PZP: variants seen among roughly 807,000 people sequenced by gnomAD.
PZP encodes pregnancy zone protein.
A neutral mutation model predicts 179.8 loss-of-function variants in PZP; 150 were observed. That is an observed-to-expected ratio of 0.83 (90% CI 0.73 to 0.96). The LOEUF is 0.96. Ranked by LOEUF, PZP falls within the 40% of genes least tolerant of loss-of-function variation. PZP has a pLI of 0.00. For missense variants in PZP, 1,689 were observed against 1,764.0 expected (o/e 0.96, Z 0.76); for synonymous variants, 624 against 652.3 (o/e 0.96, Z 0.66).
chr12:9,157,935 C>T, intron 26 of PZP, 94 bp from the exon 27 acceptor site: 1 of 1,036,876 alleles, frequency 9.6e-7, no homozygotes, highest in Non-Finnish European at 1.5e-6. Context: ...GTATCTGTTT[C>T]CATTCAAAGT....
intron 13 of PZP, among the ~76,000 whole-genome samples, chr12:9,188,832 A>T (rs745420975): frequency 6.6e-6 from 1 of 152,332 alleles, no homozygotes; most frequent in East Asian, 1.9e-4. Context: ...GAGGTGAAAG[A>T]TCTATACAAT....
intron 34 of PZP, among the ~76,000 whole-genome samples, 191 bp from the exon 35 acceptor site, chr12:9,149,793 G>A (rs1940214419): frequency 6.6e-6 from 1 of 152,170 alleles, no homozygotes; most frequent in African/African-American, 2.4e-5. Flanking sequence ...ACTGGAGATG[G>A]GGACTGAAGC....
chr12:9,203,479 C>T (rs1241527014), intron 2 of PZP, among the ~76,000 whole-genome samples: 1 of 151,676 alleles, frequency 6.6e-6, no homozygotes, highest in Non-Finnish European at 1.5e-5. Flanking sequence ...GTAGCTGGGA[C>T]TACGGGCGCC....
intron 1 of PZP, among the ~76,000 whole-genome samples, chr12:9,205,485 C>A (rs1202946952): frequency 6.6e-6 from 1 of 152,172 alleles, no homozygotes; most frequent in Admixed American, 6.5e-5. Flanking sequence ...TCTCCATGTT[C>A]ATGGAAGCTA....
At chr12:9,140,831 C>T in the PZP span, among the ~76,000 whole-genome samples, 33 of 152,190 alleles carry the variant, frequency 2.2e-4, no homozygotes, top group Admixed American at 1.4e-3. Flanking sequence ...GCCAGTTTCC[C>T]GAGAGTTTTA....
intron 33 of PZP, 38 bp downstream of exon 33, chr12:9,151,566 C>G (rs1940356262): frequency 6.4e-7 from 1 of 1,568,140 alleles, no homozygotes; most frequent in African/African-American, 1.4e-5. Flanking sequence ...AGAAAGACGA[C>G]CCATATGTAG....
rs777456697 is a variant in PZP, at chr12:9,157,242, G to C, written c.3483C>G (p.Ser1161=). Residue 1161 remains serine, a synonymous_variant, in exon 28 of 36, where the codon TCC becomes TCG. Coordinates refer to ENST00000261336, the MANE Select transcript of PZP (RefSeq NM_002864.3). ...YTKALLAYAF[S]LLGKQNQNRE... ...TATTCTGATTTTGCTTTCCCAGTAG[G>C]GAAAAAGCATAGGCCAGCAATGCCT... 1 of 1,614,098 alleles carries C rather than the reference G, an allele frequency of 6.2e-7. No homozygotes were observed.
At position 9,169,535 on chromosome 12, in the gene PZP, C is replaced by G; in HGVS notation, c.1896G>C (p.Gln632His). 6.2e-7 allele frequency: 1 copy of G among 1,613,184 alleles called. No homozygotes were observed. The highest frequency in any genetic ancestry group is 8.5e-7 in the Non-Finnish European group (1 of 1,179,554). ...GACAGTGTCCTTGTTCTTCCTCCTG[C>G]TGGTCCACATTGTCAGGAAAATTGG... Reference protein sequence around the residue: ...DLTNFPDNVDQQEEEQGHCPR... With the variant: ...DLTNFPDNVDHQEEEQGHCPR... The change falls in exon 16 of 36, where the codon CAG (glutamine) becomes CAC (histidine). Residue 632 changes from glutamine (Q) to histidine (H), a missense_variant. Coordinates refer to ENST00000261336, the MANE Select transcript of PZP (RefSeq NM_002864.3).
At chr12:9,138,436 A>G in the PZP span, among the ~76,000 whole-genome samples, 1 of 151,428 alleles carries the variant, frequency 6.6e-6, no homozygotes, top group Non-Finnish European at 1.5e-5. Flanking sequence ...TTTTGCATCT[A>G]TATTCATCAG....
chr12:9,149,612 A>G lies in PZP; in HGVS notation c.4385-10T>C. ...GCAACCACAGACTCATCTGAAAGAT[A>G]ACGTTGGGTGAAGGAAGAAACGAAA... On this transcript the variant is annotated splice_polypyrimidine_tract_variant and intron_variant, in intron 34 of 35. Coordinates refer to ENST00000261336, the MANE Select transcript of PZP (RefSeq NM_002864.3). 1.2e-6 allele frequency: 2 copies of G among 1,612,514 alleles called. No individual in the cohort carries two copies. The highest frequency in any genetic ancestry group is 1.7e-6 in the Non-Finnish European group (2 of 1,179,038).
rs772927958 is a variant in PZP at position 9,159,965 on chromosome 12, C to T, written c.3110G>A (p.Arg1037Gln). 1.9e-5 allele frequency: 31 copies of T among 1,613,746 alleles called. No individual in the cohort carries two copies. The highest frequency in any genetic ancestry group is 6.7e-5 in the African/African-American group (5 of 75,010). Residue 1037 changes from arginine to glutamine, a missense_variant, in exon 25 of 36, where the codon CGA (arginine) becomes CAA (glutamine). This residue lies in a region of PZP where 746 missense variants were observed against 749.2 expected (regional missense o/e 1.00). Coordinates refer to ENST00000261336, the MANE Select transcript of PZP (RefSeq NM_002864.3). ...QDGSYSTFGERYGRNQGNTWL... is the reference protein window; with the variant it reads ...QDGSYSTFGEQYGRNQGNTWL... Reference sequence around the variant, plus strand: ...AGTGTTGCCCTGGTTCCTGCCATATCGTTCCCCAAAGGTGCTGTAGGAGCC... The same window carrying T: ...AGTGTTGCCCTGGTTCCTGCCATATTGTTCCCCAAAGGTGCTGTAGGAGCC...
chr12:9,153,076 A>T (rs1428353455), intron 30 of PZP, 49 bp downstream of exon 30: 3 of 1,607,630 alleles, frequency 1.9e-6, no homozygotes, highest in Non-Finnish European at 2.6e-6. Context: ...TTCCATTTCA[A>T]TTGGCAAGTT....
rs1489624173 is a variant in PZP at position 9,203,351 on chromosome 12, T to C, written c.267+417A>G. 4.0e-5 allele frequency among the ~76,000 whole-genome samples: 6 copies of C among 148,596 alleles called. No individual in the cohort carries two copies. The East Asian group carries it at 1.2e-3, about 29-fold the overall frequency. ...TAACTACATTCCTTTTTTTTTTTTT[T>C]TTTTTTTTGAGACGGAGTCTCGCTC... is the stretch of plus-strand genomic sequence containing the variant. On this transcript the variant is annotated intron_variant, in intron 2 of 35. Transcript: ENST00000261336.
Position 9,182,001 on chromosome 12 carries a change from C to G in PZP, c.1663G>C (p.Glu555Gln). The G allele has an allele frequency of 1.2e-6, 2 of 1,613,692 alleles. No individual in the cohort carries two copies. The highest frequency in any genetic ancestry group is 1.7e-6 in the Non-Finnish European group (2 of 1,179,828). The change falls in exon 14 of 36, where the codon GAG becomes CAG. Residue 555 changes from glutamate to glutamine, a missense_variant. Transcript: ENST00000261336. ...TTGTTGGCTAGACAGTTTTCAATCT[C>G]AAATTTTTCAGAGTCTCCAACAACT... ...GEVVGDSEKFEIENCLANKVD... is the reference protein window; with the variant it reads ...GEVVGDSEKFQIENCLANKVD...
At chr12:9,143,519 G>A in the PZP span, among the ~76,000 whole-genome samples, 1 of 152,060 alleles carries the variant, frequency 6.6e-6, no homozygotes, top group South Asian at 2.1e-4. Context: ...GGAGAAACCT[G>A]GGGAGGGTTT....
At chr12:9,184,231 G>C (rs762503473) in intron 13 of PZP, among the ~76,000 whole-genome samples, 1 of 152,228 alleles carries the variant, frequency 6.6e-6, no homozygotes, top group South Asian at 2.1e-4. Context: ...CAGAGCATTG[G>C]CAGGCACTAA....
intron 11 of PZP, among the ~76,000 whole-genome samples, 185 bp downstream of exon 11, chr12:9,193,892 T>A (rs988228711): frequency 1.3e-5 from 2 of 151,914 alleles, no homozygotes; most frequent in Non-Finnish European, 2.9e-5. Flanking sequence ...TATCAGGCAC[T>A]TCTGCAGTGC....
At chr12:9,157,738 G>A (rs779780887) in intron 27 of PZP, 29 bp downstream of exon 27, 6 of 1,588,876 alleles carry the variant, frequency 3.8e-6, no homozygotes, top group East Asian at 4.5e-5. Flanking sequence ...AGTTTTCATG[G>A]TAGGGAATGG....
Position 9,180,922 on chromosome 12 carries a change from G to C in PZP, c.1839+61C>G, listed in dbSNP as rs983495320. On this transcript the variant is annotated intron_variant, in intron 15 of 35. Transcript: ENST00000261336. ...CTCATCTGACAAAGGGCTAATAGAG[G>C]CTTCTTGATCTGAGCCTCTGGAATG... is the stretch of plus-strand genomic sequence containing the variant. 41 of 1,542,910 alleles carry C rather than the reference G, an allele frequency of 2.7e-5. 1 individual carries two copies. The highest frequency in any genetic ancestry group is 4.2e-5 in the African/African-American group (3 of 71,818).
Sources: allele counts gnomAD v4.1 joint callset (sites outside exome capture counted in the v4.1 genomes callset), GRCh38; gene constraint gnomAD v4.1.1; regional missense constraint gnomAD v4.1.1; transcripts MANE v1.5; gene names NCBI Gene and HGNC (gene_info 2026-07-23, HGNC 2026-07-21).